Variants in ACYP2 observed in about 807,000 individuals in gnomAD.
ACYP2 encodes the protein acylphosphatase-2.
A neutral mutation model predicts 11.2 loss-of-function variants in ACYP2; 12 were observed. The ratio of observed to expected loss-of-function variants is 1.08; its 90% CI spans 0.69 to 1.74. ACYP2 has a LOEUF of 1.74. Ranked by LOEUF, ACYP2 falls within the 40% of genes most tolerant of loss-of-function variation. The pLI, the probability that ACYP2 is intolerant of heterozygous loss-of-function variation, is 0.00. For missense variants in ACYP2, 134 were observed against 101.9 expected, an observed-to-expected ratio of 1.31 and a Z score of -1.35; for synonymous variants, 43 against 32.2, an observed-to-expected ratio of 1.33 and a Z score of -1.13.
At chr2:53,975,106 T>C (rs1328647940) in intron 2 of ACYP2, 11 of 385,342 alleles carry the variant, frequency 2.9e-5, no homozygotes, top group South Asian at 1.5e-4. Flanking sequence ...GCGCCTGTAG[T>C]CCCAGCAACT....
chr2:54,123,628 C>G (rs1680283268), intron 4 of ACYP2, among the ~76,000 whole-genome samples: 1 of 152,126 alleles, frequency 6.6e-6, no homozygotes, highest in African/African-American at 2.4e-5. Flanking sequence ...CCCCCATTCC[C>G]CACTTCTTCC....
intron 2 of ACYP2, among the ~76,000 whole-genome samples, chr2:53,995,731 G>A (rs937742754): frequency 5.3e-5 from 8 of 151,976 alleles, no homozygotes; most frequent in African/African-American, 1.5e-4. Flanking sequence ...AAGATTACAG[G>A]TGTGAGCCAG....
intron 2 of ACYP2, among the ~76,000 whole-genome samples, chr2:54,009,812 T>C (rs576256830): frequency 7.2e-5 from 11 of 152,314 alleles, no homozygotes; most frequent in African/African-American, 2.4e-4. Context: ...CTAACACTTA[T>C]CATGTACTTA....
intron 6 of ACYP2, among the ~76,000 whole-genome samples, chr2:54,246,736 TAAGTA>T (rs1162781614): frequency 6.6e-6 from 1 of 152,192 alleles, no homozygotes. Context: ...TCTAGGATGT[TAAGTA>T]ATGGTGGTGA....
chr2:54,138,194 A>G (rs957454629), intron 5 of ACYP2, among the ~76,000 whole-genome samples: 10 of 152,004 alleles, frequency 6.6e-5, no homozygotes, highest in African/African-American at 1.9e-4. Context: ...TGTAGTCTCT[A>G]TTTCTGCTTA....
At chr2:54,227,675 T>C (rs1686066670) in intron 6 of ACYP2, among the ~76,000 whole-genome samples, 1 of 152,112 alleles carries the variant, frequency 6.6e-6, no homozygotes, top group African/African-American at 2.4e-5. Context: ...TTTGAAGGTA[T>C]CACACATATA....
intron 6 of ACYP2, among the ~76,000 whole-genome samples, chr2:54,267,522 A>C (rs147215279): frequency 6.6e-6 from 1 of 152,178 alleles, no homozygotes; most frequent in Admixed American, 6.5e-5. Flanking sequence ...CTAGTGACCA[A>C]TTGTTGACAT....
chr2:54,197,160 A>T (rs1333388943), intron 6 of ACYP2, among the ~76,000 whole-genome samples: 4 of 152,220 alleles, frequency 2.6e-5, no homozygotes, highest in African/African-American at 9.6e-5. Flanking sequence ...AGGTGATTTC[A>T]GGAAGCAGAA....
intron 4 of ACYP2, among the ~76,000 whole-genome samples, chr2:54,092,098 A>C (rs1337408192): frequency 6.6e-6 from 1 of 152,170 alleles, no homozygotes; most frequent in Non-Finnish European, 1.5e-5. Flanking sequence ...AAGATGAACC[A>C]GGTTTCCAGC....
At chr2:54,255,502 G>A (rs1687458698) in intron 6 of ACYP2, 1 of 1,613,996 alleles carries the variant, frequency 6.2e-7, no homozygotes, top group Non-Finnish European at 8.5e-7. Flanking sequence ...GTCAGCCTCT[G>A]CATTCACGGA....
At chr2:54,126,280 A>T (rs1242276042) in intron 4 of ACYP2, among the ~76,000 whole-genome samples, 2 of 152,186 alleles carry the variant, frequency 1.3e-5, no homozygotes, top group African/African-American at 4.8e-5. Flanking sequence ...ATTCATAAGG[A>T]AGTAGGTCTA....
rs547527781 is a variant in ACYP2 at position 54,031,040 on chromosome 2, A to C, written c.63-19918A>C. ...CAAAGCAGTAAGGGGCGCAGACACA[A>C]TGTGACATGTGCTATAACAGAGGAA... On this transcript the variant is annotated intron_variant, in intron 2 of 6. Transcript: ENST00000607452. 1.1e-4 allele frequency among the ~76,000 whole-genome samples: 16 copies of C among 152,340 alleles called. No homozygotes were observed. The East Asian group carries it at 2.7e-3, about 26-fold the overall frequency.
intron 2 of ACYP2, among the ~76,000 whole-genome samples, chr2:53,996,348 T>TA (rs766271548): frequency 6.6e-6 from 1 of 151,590 alleles, no homozygotes; most frequent in African/African-American, 2.4e-5. Context: ...CTATGAGAGA[T>TA]AAAAAAGGAG....
At chr2:54,066,727 G>C (rs947276764) in intron 4 of ACYP2, among the ~76,000 whole-genome samples, 1 of 152,164 alleles carries the variant, frequency 6.6e-6, no homozygotes, top group African/African-American at 2.4e-5. Flanking sequence ...CAAATAAGTA[G>C]GGTGAGGAGT....
chr2:54,067,015 GT>G (rs1676785960), intron 4 of ACYP2, among the ~76,000 whole-genome samples: 1 of 152,204 alleles, frequency 6.6e-6, no homozygotes. Flanking sequence ...GGGCAGATCA[GT>G]TGACATGTCA....
intron 6 of ACYP2, among the ~76,000 whole-genome samples, chr2:54,162,712 T>G (rs1330770528): frequency 1.3e-5 from 2 of 152,154 alleles, no homozygotes; most frequent in African/African-American, 4.8e-5. Context: ...ACCCCCATAA[T>G]CCCAGCACTT....
At chr2:54,003,107 CA>C (rs1204301382) in intron 2 of ACYP2, among the ~76,000 whole-genome samples, 1 of 151,632 alleles carries the variant, frequency 6.6e-6, no homozygotes, top group Non-Finnish European at 1.5e-5. Context: ...CGCCATCATG[CA>C]CAGCTAATTT....
intron 6 of ACYP2, among the ~76,000 whole-genome samples, chr2:54,284,434 A>T (rs1173684246): frequency 1.3e-5 from 2 of 151,922 alleles, no homozygotes. Flanking sequence ...GAATCTATTC[A>T]TCTAGTATTT....
At chr2:54,020,139 GT>G (rs549938153) in intron 2 of ACYP2, among the ~76,000 whole-genome samples, 31 of 152,240 alleles carry the variant, frequency 2.0e-4, no homozygotes, top group African/African-American at 7.2e-4. Flanking sequence ...GTTTAGCCAT[GT>G]TGGTCAGGCT....
Sources: allele counts gnomAD v4.1 joint callset (sites outside exome capture counted in the v4.1 genomes callset), GRCh38; gene constraint gnomAD v4.1.1; transcripts MANE v1.5; gene names NCBI Gene and HGNC (gene_info 2026-07-23, HGNC 2026-07-21).